Variants in ARHGAP40 observed in about 807,000 individuals in gnomAD.
The protein encoded by ARHGAP40 is rho GTPase-activating protein 40.
In ARHGAP40, 43 loss-of-function variants were observed where a neutral mutation model predicts 73.5. The ratio of observed to expected loss-of-function variants is 0.58; its 90% confidence interval spans 0.46 to 0.75. The LOEUF (loss-of-function observed/expected upper bound fraction) is 0.75. Among genes scored for constraint, ARHGAP40 ranks in the 30% least tolerant of loss-of-function variants. ARHGAP40 has a pLI of 0.00. For missense variants in ARHGAP40, 734 were observed against 861.8 expected (o/e 0.85, Z 1.86); for synonymous variants, 300 against 352.8 (o/e 0.85, Z 1.68).
At chr20:38,647,935 G>C (rs1248970521) in intron 13 of ARHGAP40, among the ~76,000 whole-genome samples, 1 of 152,104 alleles carries the variant, frequency 6.6e-6, no homozygotes, top group East Asian at 1.9e-4. Flanking sequence ...GCACAGTAAA[G>C]GTCCTGCAGC....
intron 2 of ARHGAP40, among the ~76,000 whole-genome samples, chr20:38,625,878 C>T (rs6092785): frequency 2.5e-3 from 380 of 152,152 alleles, no homozygotes; most frequent in Non-Finnish European, 3.6e-3. Context: ...AAAAATGTAG[C>T]CCATGATTAA....
chr20:38,647,848 C>T (rs1018250373), intron 13 of ARHGAP40, among the ~76,000 whole-genome samples: 1 of 152,186 alleles, frequency 6.6e-6, no homozygotes. Flanking sequence ...ATAAGAAATG[C>T]AGGGAACAAT....
chr20:38,612,694 GA>G (rs2088811012), intron 1 of ARHGAP40, among the ~76,000 whole-genome samples: 1 of 151,642 alleles, frequency 6.6e-6, no homozygotes, highest in Admixed American at 6.6e-5. Flanking sequence ...GAAAAGAAAA[GA>G]GATAAGAAAA....
intron 1 of ARHGAP40, among the ~76,000 whole-genome samples, chr20:38,612,084 A>G (rs560794879): frequency 6.6e-6 from 1 of 152,334 alleles, no homozygotes; most frequent in South Asian, 2.1e-4. Flanking sequence ...TAATAAAAAC[A>G]ACATTTTATG....
rs536300007 is a variant in ARHGAP40, at chr20:38,629,378, G to A, written c.635-124G>A. The A allele has an allele frequency of 2.9e-4, 294 of 1,002,814 alleles. 1 individual carries two copies. In the African/African-American group the frequency reaches 4.8e-3, roughly 16 times the overall value. 62.1% of individuals were successfully genotyped at this position (1,002,814 alleles called of 1,614,324 possible). A position where few individuals can be genotyped will look rare whatever the true frequency, so the allele number is the denominator to read the frequency against. On this transcript the variant is annotated intron_variant, in intron 4 of 14. Coordinates refer to ENST00000373345, the Ensembl canonical transcript of ARHGAP40. ...CTAAACCTAATGATTTGATCCTGGG[G>A]CTTTGAACTTGAGCTTGGGAGCTCA... is the stretch of plus-strand genomic sequence containing the variant.
At position 38,636,266 on chromosome 20, in the gene ARHGAP40, T is replaced by TA. The variant is rs199851896; in HGVS notation, c.950-1442_950-1441insA. Among the ~76,000 whole-genome samples, 381 of 141,840 alleles carry TA rather than the reference T, an allele frequency of 2.7e-3. 3 individuals are homozygous for TA. Among genetic ancestry groups the TA allele is most frequent in the African/African-American group, 9.2e-3 (367 of 39,892 alleles). 93.1% of individuals were successfully genotyped at this position (141,840 alleles called of 152,430 possible). On this transcript the variant is annotated intron_variant, in intron 6 of 14. Coordinates refer to ENST00000373345, the Ensembl canonical transcript of ARHGAP40. ...GAAAACATGATTTTTATTTATTTATTTTTTTTTTTTTTTGAGAGAAAGTCT... is the reference window on the plus strand; with the variant it reads ...GAAAACATGATTTTTATTTATTTATTATTTTTTTTTTTTTGAGAGAAAGTCT...
At chr20:38,607,951 C>T (rs2088781559) in intron 1 of ARHGAP40, among the ~76,000 whole-genome samples, 1 of 152,078 alleles carries the variant, frequency 6.6e-6, no homozygotes, top group Admixed American at 6.5e-5. Context: ...TTTCTTGTTG[C>T]TTTCCAGGAA....
intron 1 of ARHGAP40, among the ~76,000 whole-genome samples, chr20:38,610,232 G>A (rs565226805): frequency 1.3e-5 from 2 of 152,112 alleles, no homozygotes; most frequent in Non-Finnish European, 2.9e-5. Flanking sequence ...ATTTTAAAAA[G>A]CTCCCCCCAC....
chr20:38,650,227 G>C (rs1295698552), exon 15 of ARHGAP40: 1 of 405,916 alleles, frequency 2.5e-6, no homozygotes, highest in African/African-American at 2.1e-5. Flanking sequence ...GCTGTATGAC[G>C]CCACCACTTG....
chr20:38,627,663 G>GGGTGTGTTGGTGTGTGTGT (rs2088910897), intron 3 of ARHGAP40, among the ~76,000 whole-genome samples: 4 of 94,374 alleles, frequency 4.2e-5, no homozygotes, highest in African/African-American at 1.4e-4. Flanking sequence ...GGTGTGTGTG[G>GGGTGTGTTGGTGTGTGTGT]GGGTGTGTTG....
At chr20:38,614,993 GA>G in intron 1 of ARHGAP40, 2 of 1,211,676 alleles carry the variant, frequency 1.7e-6, no homozygotes, top group Non-Finnish European at 2.5e-6. Context: ...CTTGTGTGAG[GA>G]AAGTCCCGCT....
At position 38,629,003 on chromosome 20, in the gene ARHGAP40, G is replaced by A. The variant is rs1601142767; in HGVS notation, c.634+1G>A. ...TCCGGGGCCTCTAAGTTTCCTCCAG[G>A]TAAGTGGTCTTCATTCTCCAGGGCC... On this transcript the variant is annotated splice_donor_variant, in intron 4 of 14. Coordinates refer to ENST00000373345, the Ensembl canonical transcript of ARHGAP40. LOFTEE classifies it high-confidence loss of function. 7.7e-7 allele frequency: 1 copy of A among 1,304,526 alleles called. No homozygotes were observed. Among genetic ancestry groups the A allele is most frequent in the South Asian group, 1.2e-5 (1 of 80,946 alleles). 80.8% of individuals were successfully genotyped at this position (1,304,526 alleles called of 1,614,324 possible).
At chr20:38,623,047 G>C (rs1202284755) in intron 1 of ARHGAP40, among the ~76,000 whole-genome samples, 3 of 152,198 alleles carry the variant, frequency 2.0e-5, no homozygotes, top group Non-Finnish European at 2.9e-5. Flanking sequence ...CTGTCCTGGT[G>C]TTTAATCCCC....
In ARHGAP40 at chr20:38,634,860, A is replaced by C. The variant is rs1048462568; in HGVS notation, c.949+75A>C. 7.7e-6 allele frequency: 9 copies of C among 1,173,554 alleles called. No homozygotes were observed. The African/African-American group carries it at 1.5e-4, about 19-fold the overall frequency. The allele number at this position is 1,173,554 out of a possible 1,614,324, so 72.7% of individuals were successfully genotyped here. On this transcript the variant is annotated intron_variant, in intron 6 of 14. Coordinates refer to ENST00000373345, the Ensembl canonical transcript of ARHGAP40. ...GAGCTGAACACGGACTCTCCCAGCAAGAGATGCTCAGCTTTGTCTTTCTTT... is the reference window on the plus strand; with the variant it reads ...GAGCTGAACACGGACTCTCCCAGCACGAGATGCTCAGCTTTGTCTTTCTTT...
chr20:38,604,867 A>C (rs1187071950), intron 1 of ARHGAP40, among the ~76,000 whole-genome samples: 1 of 152,172 alleles, frequency 6.6e-6, no homozygotes, highest in Non-Finnish European at 1.5e-5. Context: ...GCTTTAAATT[A>C]AACTTATAAA....
Position 38,646,322 on chromosome 20 carries a change from T to A in ARHGAP40, c.1710+135T>A. Reference sequence around the variant, plus strand: ...GGCCCAGTGAGGCCACCAGGGGGCGTTGCGGCGCCGTCACGGGGAGCGAGG... The same window carrying A: ...GGCCCAGTGAGGCCACCAGGGGGCGATGCGGCGCCGTCACGGGGAGCGAGG... On this transcript the variant is annotated intron_variant, in intron 12 of 14. Transcript: ENST00000373345. This position sits in a 1 kb window ranked among gnomAD's most constrained non-coding sequence, Gnocchi z 4.5. 1.9e-6 allele frequency: 2 copies of A among 1,032,136 alleles called. No homozygotes were observed. The highest frequency in any genetic ancestry group is 2.4e-6 in the Non-Finnish European group (2 of 820,098). The allele number at this position is 1,032,136 out of a possible 1,614,324, so 63.9% of individuals were successfully genotyped here. A position where few individuals can be genotyped will look rare whatever the true frequency, so the allele number is the denominator to read the frequency against.
intron 9 of ARHGAP40, 33 bp from the exon 10 acceptor site, chr20:38,641,693 C>T: frequency 7.8e-7 from 1 of 1,287,732 alleles, no homozygotes; most frequent in Non-Finnish European, 1.0e-6. Flanking sequence ...CCCTGAGCCT[C>T]CCATGGAGAC....
chr20:38,638,135 C>T (rs2088989447), intron 7 of ARHGAP40, among the ~76,000 whole-genome samples: 1 of 148,528 alleles, frequency 6.7e-6, no homozygotes, highest in Admixed American at 6.9e-5. Context: ...CGGTGAAACC[C>T]CATCTCTACT....
intron 1 of ARHGAP40, among the ~76,000 whole-genome samples, chr20:38,602,442 G>C (rs6070741): frequency 0.041 from 6,247 of 152,164 alleles, 152 homozygotes; most frequent in Non-Finnish European, 0.052. Flanking sequence ...CAAGATTCAG[G>C]AGTCTCTGGG....
Sources: gnomAD v4.1 joint callset for allele counts (sites outside exome capture counted in the v4.1 genomes callset) on GRCh38, gnomAD v4.1.1 for gene constraint, Gnocchi (gnomAD v3.1) non-coding constraint, MANE v1.5 for transcripts, NCBI Gene and HGNC (gene_info 2026-07-23, HGNC 2026-07-21) for gene names.